DAB1: variants seen among roughly 807,000 people sequenced by gnomAD.
The protein encoded by DAB1 is DAB adaptor protein 1.
Under a neutral mutation model 64.6 loss-of-function variants are expected in DAB1, and 15 were observed. That is an observed-to-expected ratio of 0.23 (90% CI 0.16 to 0.36). DAB1 has a LOEUF of 0.36. Ranked by LOEUF, DAB1 falls within the 10% of genes least tolerant of loss-of-function variation. The pLI is 1.00. For synonymous variants in DAB1, 235 were observed against 251.9 expected (o/e 0.93, Z 0.64); for missense variants, 596 against 706.7 (o/e 0.84, Z 1.78).
intron 6 of DAB1, among the ~76,000 whole-genome samples, chr1:57,689,866 CT>C (rs1313911299): frequency 6.6e-6 from 1 of 152,122 alleles, no homozygotes. Context: ...ATTCCTTCTT[CT>C]TTTTTCCATT....
At chr1:58,159,302 G>A (rs140559411) in intron 4 of DAB1, among the ~76,000 whole-genome samples, 25 of 152,284 alleles carry the variant, frequency 1.6e-4, no homozygotes, top group African/African-American at 5.8e-4. Flanking sequence ...AGAAGGAACT[G>A]CAATCCAGGT....
chr1:57,064,664 T>C (rs1192095609), intron 8 of DAB1, among the ~76,000 whole-genome samples: 1 of 152,182 alleles, frequency 6.6e-6, no homozygotes, highest in Non-Finnish European at 1.5e-5. Context: ...GAGTTTGCCA[T>C]TTGACTGCTA....
chr1:58,394,731 C>T (rs1478917654), intron 3 of DAB1, among the ~76,000 whole-genome samples: 1 of 151,974 alleles, frequency 6.6e-6, no homozygotes, highest in Non-Finnish European at 1.5e-5. Flanking sequence ...AATGATTGCC[C>T]GGGGCTGGCA....
At chr1:57,887,026 T>A (rs1289480887), upstream of DAB1, among the ~76,000 whole-genome samples, 2 of 152,158 alleles carry the variant, frequency 1.3e-5, no homozygotes, top group African/African-American at 2.4e-5. Context: ...CTTTTTTTTA[T>A]CACTACCTTA....
At chr1:58,502,329 C>T (rs1261395907) in intron 3 of DAB1, among the ~76,000 whole-genome samples, 3 of 152,186 alleles carry the variant, frequency 2.0e-5, no homozygotes, top group Admixed American at 2.0e-4. Flanking sequence ...TTCCTCCCAC[C>T]CATTAAATGT....
At chr1:57,087,711 G>A (rs1408246864) in intron 4 of DAB1, among the ~76,000 whole-genome samples, 1 of 152,204 alleles carries the variant, frequency 6.6e-6, no homozygotes, top group Non-Finnish European at 1.5e-5. Flanking sequence ...TCCTGAAAGG[G>A]TTTCCATCTC....
intron 3 of DAB1, among the ~76,000 whole-genome samples, chr1:58,452,009 C>T (rs997521574): frequency 1.3e-5 from 2 of 151,728 alleles, no homozygotes; most frequent in African/African-American, 2.4e-5. Context: ...CCTTTGTGCC[C>T]CACCGCCCCG....
chr1:58,303,585 C>T (rs1662223688), intron 4 of DAB1, among the ~76,000 whole-genome samples: 1 of 152,166 alleles, frequency 6.6e-6, no homozygotes, highest in African/African-American at 2.4e-5. Flanking sequence ...CGTGATATGA[C>T]ACCCATACAA....
chr1:58,323,924 C>CAAA (rs11432020), intron 4 of DAB1, among the ~76,000 whole-genome samples: 38 of 80,076 alleles, frequency 4.7e-4, no homozygotes, highest in East Asian at 3.2e-3. Flanking sequence ...GACTCCATCT[C>CAAA]AAAAAAAAAA....
chr1:58,369,996 T>C (rs1305171121), intron 3 of DAB1, among the ~76,000 whole-genome samples: 1 of 152,238 alleles, frequency 6.6e-6, no homozygotes, highest in Non-Finnish European at 1.5e-5. Flanking sequence ...GTAAAGCACT[T>C]GGCAGCAACT....
chr1:58,135,034 T>C (rs1653863961), intron 5 of DAB1, among the ~76,000 whole-genome samples: 1 of 152,200 alleles, frequency 6.6e-6, no homozygotes, highest in African/African-American at 2.4e-5. Context: ...TCAGAAACCC[T>C]ATCCCAATCT....
intron 1 of DAB1, among the ~76,000 whole-genome samples, chr1:57,829,636 C>T (rs1652500617): frequency 6.6e-6 from 1 of 152,126 alleles, no homozygotes; most frequent in Admixed American, 6.5e-5. Context: ...ATGCCAGGGA[C>T]ACAATATGGT....
chr1:57,014,930 T>G lies in DAB1; in HGVS notation c.1397A>C (p.Gln466Pro). The change falls in exon 12 of 15, where the codon CAG becomes CCG. Residue 466 changes from glutamine to proline, a missense_variant. Gln to Pro is a moderately conservative substitution (Grantham distance 76). Coordinates refer to ENST00000371236, the MANE Select transcript of DAB1 (RefSeq NM_001365792.1). ...TDDCDDFDIS[Q>P]LNLTPVTSTT... ...AGAAGTCACAGGGGTCAAATTCAAC[T>G]GGGAGATGTCAAAGTCATCACAGTC... is the stretch of plus-strand genomic sequence containing the variant. 4 of 1,606,570 alleles carry G rather than the reference T, an allele frequency of 2.5e-6. No homozygotes were observed. Among genetic ancestry groups the G allele is most frequent in the Non-Finnish European group, 3.4e-6 (4 of 1,176,112 alleles).
At chr1:57,065,311 C>T (rs944422235) in intron 8 of DAB1, among the ~76,000 whole-genome samples, 6 of 152,104 alleles carry the variant, frequency 3.9e-5, no homozygotes, top group African/African-American at 1.2e-4. Flanking sequence ...TTGCTAAGCA[C>T]GTATTATGTG....
chr1:58,056,031 C>A (rs1648046889), intron 5 of DAB1: 3 of 821,554 alleles, frequency 3.7e-6, no homozygotes, highest in Non-Finnish European at 6.0e-6. Flanking sequence ...AGCCACCGTG[C>A]CTGGCCTCAT....
At chr1:58,312,445 A>G (rs1037096301) in intron 4 of DAB1, among the ~76,000 whole-genome samples, 11 of 152,222 alleles carry the variant, frequency 7.2e-5, no homozygotes, top group Non-Finnish European at 1.2e-4. Context: ...CAAGGTTCAC[A>G]AGACAGAATA....
intron 5 of DAB1, among the ~76,000 whole-genome samples, chr1:58,103,361 T>A (rs1651440031): frequency 6.6e-6 from 1 of 152,082 alleles, no homozygotes; most frequent in Non-Finnish European, 1.5e-5. Flanking sequence ...GTGTAAACAG[T>A]CTAGGTTTTG....
At chr1:58,044,953 G>A (rs1423222827) in intron 5 of DAB1, among the ~76,000 whole-genome samples, 3 of 152,112 alleles carry the variant, frequency 2.0e-5, no homozygotes, top group Non-Finnish European at 4.4e-5. Flanking sequence ...TATGCCCAAG[G>A]TCACATAGCT....
At chr1:58,025,086 C>T (rs1646869957) in intron 5 of DAB1, among the ~76,000 whole-genome samples, 1 of 151,954 alleles carries the variant, frequency 6.6e-6, no homozygotes, top group South Asian at 2.1e-4. Flanking sequence ...CTCCTTCCTT[C>T]CCTCACTCCC....
Sources: allele counts gnomAD v4.1 joint callset (sites outside exome capture counted in the v4.1 genomes callset), GRCh38; gene constraint gnomAD v4.1.1; transcripts MANE v1.5; gene names NCBI Gene and HGNC (gene_info 2026-07-23, HGNC 2026-07-21).